Variants in KIRREL3 observed in about 807,000 individuals in gnomAD.
The protein encoded by KIRREL3 is kirre like nephrin family adhesion molecule 3.
Under a neutral mutation model 89.7 loss-of-function variants are expected in KIRREL3, and 36 were observed. The ratio of observed to expected loss-of-function variants is 0.40; its 90% confidence interval spans 0.31 to 0.53. The LOEUF is 0.53. Among genes scored for constraint, KIRREL3 ranks in the 20% least tolerant of loss-of-function variants. The pLI, the probability that KIRREL3 is intolerant of heterozygous loss-of-function variation, is 0.49. For missense variants in KIRREL3, 864 were observed against 1,056.6 expected, an observed-to-expected ratio of 0.82 and a Z score of 2.53; for synonymous variants, 445 against 441.4, an observed-to-expected ratio of 1.01 and a Z score of -0.10.
intron 11 of KIRREL3, among the ~76,000 whole-genome samples, chr11:126,438,069 G>T (rs1955425421): frequency 6.6e-6 from 1 of 152,230 alleles, no homozygotes; most frequent in Admixed American, 6.5e-5. Context: ...CCCAGAAAGG[G>T]GCCTGGGGAG....
chr11:126,702,201 AAT>A (rs1370122170), intron 1 of KIRREL3, among the ~76,000 whole-genome samples: 1 of 152,192 alleles, frequency 6.6e-6, no homozygotes, highest in Non-Finnish European at 1.5e-5. Flanking sequence ...CTGTTGTGAG[AAT>A]TTAATGATAA....
rs1954967705 is a variant in KIRREL3 at position 126,427,038 on chromosome 11, C to T, written c.1807-1314G>A. Among the ~76,000 whole-genome samples the T allele has an allele frequency of 6.6e-6, 1 of 152,196 alleles. No homozygotes were observed. Among genetic ancestry groups the T allele is most frequent in the African/African-American group, 2.4e-5 (1 of 41,454 alleles). On this transcript the variant is annotated intron_variant, in intron 15 of 16. Coordinates refer to ENST00000525144, the MANE Select transcript of KIRREL3 (RefSeq NM_032531.4). This position sits in a 1 kb window ranked among gnomAD's most constrained non-coding sequence, Gnocchi z 5.3. ...GCAAGTCCCTTCTGCTCCCACCTGA[C>T]ACTGAGCTGCCCCCACTCTTGCCTG...
chr11:126,833,405 A>G (rs973778289), intron 1 of KIRREL3, among the ~76,000 whole-genome samples: 10 of 152,178 alleles, frequency 6.6e-5, no homozygotes, highest in Non-Finnish European at 1.5e-5. Context: ...GCCAGATGCA[A>G]CCCTGTTGAC....
rs1051842781 is a variant in KIRREL3 at position 126,752,258 on chromosome 11, G to A, written c.56-189346C>T. Among the ~76,000 whole-genome samples the A allele has an allele frequency of 1.3e-5, 2 of 152,156 alleles. No individual in the cohort carries two copies. The highest frequency in any genetic ancestry group is 2.9e-5 in the Non-Finnish European group (2 of 68,034). ...CTCCCATTATTCTCTTAAACCAATA[G>A]TTGTCTATGGGTCTTGGGTTTTGAA... On this transcript the variant is annotated intron_variant, in intron 1 of 16. Coordinates refer to ENST00000525144, the MANE Select transcript of KIRREL3 (RefSeq NM_032531.4). The surrounding 1 kb of genome is among the most constrained non-coding windows in gnomAD (Gnocchi z 4.8).
intron 2 of KIRREL3, among the ~76,000 whole-genome samples, chr11:126,542,140 AC>A (rs1344375155): frequency 1.3e-5 from 2 of 152,290 alleles, no homozygotes; most frequent in Non-Finnish European, 2.9e-5. Context: ...AAGCAGGCCC[AC>A]CCGGCGTGCA....
In KIRREL3 at chr11:126,955,473, C is replaced by T. The variant is rs1948894900; in HGVS notation, c.55+44982G>A. Among the ~76,000 whole-genome samples, 1 of 152,124 alleles carries T rather than the reference C, an allele frequency of 6.6e-6. No individual in the cohort carries two copies. Among genetic ancestry groups the T allele is most frequent in the African/African-American group, 2.4e-5 (1 of 41,416 alleles). Reference sequence around the variant, plus strand: ...GCCCATGGGCCGGGATCTTCCTAGCCCTCCCTTCCCTGCATGGCAAGGCAC... The same window carrying T: ...GCCCATGGGCCGGGATCTTCCTAGCTCTCCCTTCCCTGCATGGCAAGGCAC... On this transcript the variant is annotated intron_variant, in intron 1 of 16. Coordinates refer to ENST00000525144, the MANE Select transcript of KIRREL3 (RefSeq NM_032531.4). The surrounding 1 kb of genome is among the most constrained non-coding windows in gnomAD (Gnocchi z 4.6).
intron 4 of KIRREL3, among the ~76,000 whole-genome samples, chr11:126,497,945 C>T (rs781206286): frequency 3.3e-5 from 5 of 150,692 alleles, no homozygotes; most frequent in Admixed American, 1.3e-4. Flanking sequence ...TGTGGGCCCC[C>T]GTGGAATACA....
In KIRREL3 at chr11:126,571,980, A is replaced by G. The variant is rs1176743386; in HGVS notation, c.56-9068T>C. On this transcript the variant is annotated intron_variant, in intron 1 of 16. Coordinates refer to ENST00000525144, the MANE Select transcript of KIRREL3 (RefSeq NM_032531.4). The surrounding 1 kb of genome is among the most constrained non-coding windows in gnomAD (Gnocchi z 7.7). ...TGAGGAACAGGGGCTGCCAAAAGCC[A>G]TATGCCTGAGGGCTGTTAGACTTTT... 6.6e-6 allele frequency among the ~76,000 whole-genome samples: 1 copy of G among 152,222 alleles called. No individual in the cohort carries two copies. The highest frequency in any genetic ancestry group is 1.5e-5 in the Non-Finnish European group (1 of 68,034).
rs1555172361 is a variant in KIRREL3 at position 126,668,747 on chromosome 11, T to TTTTTC, written c.56-105836_56-105835insGAAAA. 6.7e-6 allele frequency among the ~76,000 whole-genome samples: 1 copy of TTTTTC among 149,072 alleles called. No homozygotes were observed. The highest frequency in any genetic ancestry group is 2.5e-5 in the African/African-American group (1 of 40,652). ...TTTCTTTCTTTCTTTCTTTCTTTCT[T>TTTTTC]TCTTTCTTTTTTCTCTTTCTTTCTT... is the stretch of plus-strand genomic sequence containing the variant. On this transcript the variant is annotated intron_variant, in intron 1 of 16. Coordinates refer to ENST00000525144, the MANE Select transcript of KIRREL3 (RefSeq NM_032531.4). This position sits in a 1 kb window ranked among gnomAD's most constrained non-coding sequence, Gnocchi z 4.4.
At chr11:126,815,565 C>G (rs760411038) in intron 1 of KIRREL3, among the ~76,000 whole-genome samples, 37 of 152,148 alleles carry the variant, frequency 2.4e-4, no homozygotes, top group East Asian at 1.2e-3. Context: ...GCGGAGTCTC[C>G]CTCTGTCGCC....
At chr11:126,925,523 G>A (rs375614970) in intron 1 of KIRREL3, among the ~76,000 whole-genome samples, 1 of 152,214 alleles carries the variant, frequency 6.6e-6, no homozygotes, top group Non-Finnish European at 1.5e-5. Flanking sequence ...TCAGTATGAG[G>A]GCTGAGCAGG....
intron 4 of KIRREL3, among the ~76,000 whole-genome samples, chr11:126,506,239 G>GA (rs35811827): frequency 0.37 from 56,262 of 151,880 alleles, 11,376 homozygotes; most frequent in African/African-American, 0.52. Context: ...CAATCTATAA[G>GA]AAAAAATTAT....
rs1423322454 is a variant in KIRREL3 at position 126,612,570 on chromosome 11, G to C, written c.56-49658C>G. The stretch of plus-strand genomic sequence containing the variant: ...AAAATAGACAGTTCAGTAGTTTTAA[G>C]TATATTTACAACATTTTGCAACCAT... On this transcript the variant is annotated intron_variant, in intron 1 of 16. Transcript: ENST00000525144. The surrounding 1 kb of genome is among the most constrained non-coding windows in gnomAD (Gnocchi z 4.5). Among the ~76,000 whole-genome samples the C allele has an allele frequency of 6.6e-6, 1 of 152,132 alleles. No homozygotes were observed. The highest frequency in any genetic ancestry group is 1.5e-5 in the Non-Finnish European group (1 of 68,018).
intron 3 of KIRREL3, among the ~76,000 whole-genome samples, chr11:126,524,689 C>A (rs904625060): frequency 6.6e-6 from 1 of 151,998 alleles, no homozygotes; most frequent in Non-Finnish European, 1.5e-5. Flanking sequence ...CTGGGAGATT[C>A]GGGGGGGCCA....
intron 8 of KIRREL3, among the ~76,000 whole-genome samples, chr11:126,448,195 A>G (rs1165029027): frequency 6.6e-6 from 1 of 150,776 alleles, no homozygotes; most frequent in Non-Finnish European, 1.5e-5. Flanking sequence ...AGGCAGGAGA[A>G]TCTCTTGAAC....
intron 1 of KIRREL3, among the ~76,000 whole-genome samples, chr11:126,670,768 G>A (rs1219995964): frequency 1.3e-5 from 2 of 152,176 alleles, no homozygotes; most frequent in African/African-American, 2.4e-5. Flanking sequence ...AAAATTAACT[G>A]CTTTCCTCCA....
intron 1 of KIRREL3, among the ~76,000 whole-genome samples, chr11:126,758,656 T>G (rs1949579530): frequency 6.6e-6 from 1 of 152,358 alleles, no homozygotes; most frequent in Admixed American, 6.5e-5. Context: ...CCCAAAATGC[T>G]AATCACTTAC....
intron 1 of KIRREL3, among the ~76,000 whole-genome samples, chr11:126,850,156 G>A (rs1027083384): frequency 1.3e-5 from 2 of 152,108 alleles, no homozygotes; most frequent in Non-Finnish European, 2.9e-5. Flanking sequence ...CAAACATCGC[G>A]GAGACAACAG....
Position 126,745,382 on chromosome 11 carries a change from GA to G in KIRREL3, c.56-182471del, listed in dbSNP as rs929723433. Among the ~76,000 whole-genome samples the G allele has an allele frequency of 6.8e-5, 10 of 146,004 alleles. 1 individual carries two copies. The highest frequency in any genetic ancestry group is 2.3e-4 in the African/African-American group (9 of 39,748). Reference sequence around the variant, plus strand: ...GCATTTGGTTCACATTTCAACATCTGAAAAAAAAAGACAAAATGGAATTTTA... The same window carrying G: ...GCATTTGGTTCACATTTCAACATCTGAAAAAAAAGACAAAATGGAATTTTA... On this transcript the variant is annotated intron_variant, in intron 1 of 16. Coordinates refer to ENST00000525144, the MANE Select transcript of KIRREL3 (RefSeq NM_032531.4).
Sources: gnomAD v4.1 joint callset for allele counts (sites outside exome capture counted in the v4.1 genomes callset) on GRCh38, gnomAD v4.1.1 for gene constraint, Gnocchi (gnomAD v3.1) non-coding constraint, MANE v1.5 for transcripts, NCBI Gene and HGNC (gene_info 2026-07-23, HGNC 2026-07-21) for gene names.